The following TSPAN5 variants were observed in gnomAD, a reference collection of about 807,000 sequenced individuals.
TSPAN5 encodes tetraspanin 5.
In TSPAN5, 10 loss-of-function variants were observed where a neutral mutation model predicts 37.1. The observed-to-expected ratio is 0.27, with a 90% CI of 0.17 to 0.46. TSPAN5 has a LOEUF of 0.46. Ranked by LOEUF, TSPAN5 falls within the 20% of genes least tolerant of loss-of-function variation. The pLI is 1.00. For missense variants in TSPAN5, 195 were observed against 326.6 expected (o/e 0.60, Z 3.11); for synonymous variants, 110 against 118.9 (o/e 0.93, Z 0.48).
chr4:98,491,741 AC>A lies in TSPAN5; in HGVS notation c.133-4858del, dbSNP rs545843632. Among the ~76,000 whole-genome samples, 508 of 151,890 alleles carry A rather than the reference AC, an allele frequency of 3.3e-3. 1 individual carries two copies. The highest frequency in any genetic ancestry group is 5.7e-3 in the Non-Finnish European group (388 of 67,966). ...AATCCTGACAACAGTGATTTGGATT[AC>A]AAAAATGATAGGGAGTTGACTGTTC... On this transcript the variant is annotated intron_variant, in intron 2 of 7. Transcript: ENST00000305798.
chr4:98,516,422 G>A (rs778511839), intron 1 of TSPAN5, among the ~76,000 whole-genome samples: 4 of 152,184 alleles, frequency 2.6e-5, no homozygotes, highest in Non-Finnish European at 4.4e-5. Context: ...AGTAGCTTAT[G>A]TTCCTGACTG....
At chr4:98,644,382 G>A (rs752079203) in intron 1 of TSPAN5, among the ~76,000 whole-genome samples, 3 of 151,864 alleles carry the variant, frequency 2.0e-5, no homozygotes, top group Middle Eastern at 3.2e-3. Context: ...CACTGTTCTC[G>A]GAGCACCTGA....
intron 1 of TSPAN5, among the ~76,000 whole-genome samples, chr4:98,599,124 A>G (rs1361643071): frequency 6.6e-6 from 1 of 152,210 alleles, no homozygotes; most frequent in African/African-American, 2.4e-5. Context: ...TATAATCTAA[A>G]AAGCCATTTT....
chr4:98,523,455 G>A (rs1049728855), intron 1 of TSPAN5, among the ~76,000 whole-genome samples: 1 of 151,846 alleles, frequency 6.6e-6, no homozygotes, highest in African/African-American at 2.4e-5. Flanking sequence ...TTTTTTTTGA[G>A]ACAGAGTCTC....
intron 1 of TSPAN5, among the ~76,000 whole-genome samples, chr4:98,647,186 T>C (rs1320977277): frequency 4.6e-5 from 7 of 152,180 alleles, no homozygotes. Flanking sequence ...AGAATTCTTC[T>C]AAAAGGTCAG....
chr4:98,554,444 ATT>A (rs1336703993), intron 1 of TSPAN5, among the ~76,000 whole-genome samples: 1 of 152,208 alleles, frequency 6.6e-6, no homozygotes, highest in Non-Finnish European at 1.5e-5. Flanking sequence ...AAAAGTTCTC[ATT>A]TCACATTACA....
intron 1 of TSPAN5, among the ~76,000 whole-genome samples, chr4:98,616,612 A>T (rs944122155): frequency 2.6e-5 from 4 of 152,150 alleles, no homozygotes; most frequent in African/African-American, 9.7e-5. Context: ...TCACCCTGAA[A>T]CATTTTTGGG....
chr4:98,518,602 T>A (rs1336478971), intron 1 of TSPAN5, among the ~76,000 whole-genome samples: 2 of 152,202 alleles, frequency 1.3e-5, no homozygotes, highest in African/African-American at 4.8e-5. Context: ...GGCAACAGCT[T>A]ATCCAAAAGG....
chr4:98,628,132 C>T (rs925637893), intron 1 of TSPAN5, among the ~76,000 whole-genome samples: 4 of 152,280 alleles, frequency 2.6e-5, no homozygotes, highest in Non-Finnish European at 5.9e-5. Flanking sequence ...TAACACCATT[C>T]CCCATTTTAA....
At chr4:98,574,309 G>C (rs1406311) in intron 1 of TSPAN5, 1 of 151,942 alleles carries the variant, frequency 6.6e-6, no homozygotes, top group Non-Finnish European at 1.5e-5. Context: ...AGGGTTCCTC[G>C]TCATAGAGTT....
chr4:98,535,595 G>A (rs974337003), intron 1 of TSPAN5, among the ~76,000 whole-genome samples: 11 of 152,138 alleles, frequency 7.2e-5, no homozygotes, highest in Non-Finnish European at 1.6e-4. Flanking sequence ...CTAATTTGGG[G>A]AAGTTCTCCT....
chr4:98,473,048 G>T (rs912158465), intron 7 of TSPAN5, among the ~76,000 whole-genome samples: 1 of 152,156 alleles, frequency 6.6e-6, no homozygotes, highest in Non-Finnish European at 1.5e-5. Context: ...CCATGGCATG[G>T]ATATGCCCCA....
chr4:98,551,658 A>AT (rs36041602), intron 1 of TSPAN5, among the ~76,000 whole-genome samples: 14 of 140,180 alleles, frequency 1.0e-4, no homozygotes, highest in Middle Eastern at 3.7e-3. Context: ...CGCCCAGCTA[A>AT]TTTTTTTTTT....
chr4:98,503,102 G>T (rs77502485), intron 2 of TSPAN5, among the ~76,000 whole-genome samples: 2,902 of 152,052 alleles, frequency 0.019, 98 homozygotes, highest in African/African-American at 0.066. Flanking sequence ...AGGTGGACAG[G>T]TGGGCTGAAA....
At position 98,620,093 on chromosome 4, in the gene TSPAN5, G is replaced by T. The variant is rs138417703; in HGVS notation, c.81+38053C>A. Among the ~76,000 whole-genome samples, 266 of 152,250 alleles carry T rather than the reference G, an allele frequency of 1.7e-3. 1 individual carries two copies. In the Middle Eastern group the frequency reaches 0.034, roughly 19 times the overall value. ...GAAACTCCTCCCACTGAGAGGTGAGGTCTATGTCCCCTCACTCATGAATAT... is the reference window on the plus strand; with the variant it reads ...GAAACTCCTCCCACTGAGAGGTGAGTTCTATGTCCCCTCACTCATGAATAT... On this transcript the variant is annotated intron_variant, in intron 1 of 7. Coordinates refer to ENST00000305798, the MANE Select transcript of TSPAN5 (RefSeq NM_005723.4).
At chr4:98,473,620 C>T (rs1046216251) in intron 7 of TSPAN5, among the ~76,000 whole-genome samples, 4 of 151,962 alleles carry the variant, frequency 2.6e-5, no homozygotes, top group South Asian at 2.1e-4. Flanking sequence ...CCACCGCGCC[C>T]GGCTAATTTT....
At chr4:98,486,600 A>G in intron 3 of TSPAN5, 138 bp downstream of exon 3, 1 of 950,010 alleles carries the variant, frequency 1.1e-6, no homozygotes, top group Non-Finnish European at 1.6e-6. Flanking sequence ...GAGCTCTCTC[A>G]AAAGAAAATA....
At chr4:98,524,855 T>C (rs1419089606) in intron 1 of TSPAN5, among the ~76,000 whole-genome samples, 3 of 152,188 alleles carry the variant, frequency 2.0e-5, no homozygotes, top group African/African-American at 2.4e-5. Flanking sequence ...GACTTTACTA[T>C]GCAGTTATGT....
intron 1 of TSPAN5, among the ~76,000 whole-genome samples, chr4:98,615,613 G>C (rs1191386530): frequency 6.6e-6 from 1 of 152,210 alleles, no homozygotes; most frequent in African/African-American, 2.4e-5. Context: ...TTGAGGTCAG[G>C]AGTTCAAGAC....
Sources: allele counts gnomAD v4.1 joint callset (sites outside exome capture counted in the v4.1 genomes callset), GRCh38; gene constraint gnomAD v4.1.1; transcripts MANE v1.5; gene names NCBI Gene and HGNC (gene_info 2026-07-23, HGNC 2026-07-21).